The following UBE2D2 variants were observed in gnomAD, a reference collection of about 807,000 sequenced individuals.
UBE2D2 encodes the protein ubiquitin-conjugating enzyme E2 D2.
In UBE2D2, 2 loss-of-function variants were observed where a neutral mutation model predicts 24.2. The observed-to-expected ratio is 0.08, with a 90% CI of 0.03 to 0.26. The LOEUF is 0.26. UBE2D2 is among the 10% of genes least tolerant of loss of function. The pLI, the probability that UBE2D2 is intolerant of heterozygous loss-of-function variation, is 1.00. For synonymous variants in UBE2D2, 58 were observed against 56.5 expected (o/e 1.03, Z -0.12); for missense variants, 44 against 177.6 (o/e 0.25, Z 4.28).
chr5:139,554,386 A>C (rs1006254673), intron 1 of UBE2D2, among the ~76,000 whole-genome samples: 1 of 152,182 alleles, frequency 6.6e-6, no homozygotes, highest in Non-Finnish European at 1.5e-5. Context: ...CTGACTTCAC[A>C]CAACAAAAAT....
At chr5:139,602,281 A>C (rs551598881) in intron 2 of UBE2D2, among the ~76,000 whole-genome samples, 1 of 152,260 alleles carries the variant, frequency 6.6e-6, no homozygotes, top group East Asian at 1.9e-4. Flanking sequence ...TGAATTCCTG[A>C]CCTTAGGTGA....
intron 1 of UBE2D2, among the ~76,000 whole-genome samples, chr5:139,595,010 T>G (rs1402662695): frequency 6.6e-6 from 1 of 152,226 alleles, no homozygotes; most frequent in African/African-American, 2.4e-5. Context: ...CTGTGGTGTT[T>G]AGGGAATAAT....
At chr5:139,573,184 C>T (rs1380547500) in intron 1 of UBE2D2, among the ~76,000 whole-genome samples, 2 of 151,754 alleles carry the variant, frequency 1.3e-5, no homozygotes, top group African/African-American at 4.8e-5. Flanking sequence ...CACCTGTAGT[C>T]CCAGCTACTC....
At chr5:139,621,995 G>A (rs573601660) in intron 5 of UBE2D2, among the ~76,000 whole-genome samples, 7 of 151,992 alleles carry the variant, frequency 4.6e-5, no homozygotes, top group Non-Finnish European at 4.4e-5. Flanking sequence ...AAATGTTCTT[G>A]GTCTAGAATT....
intron 1 of UBE2D2, among the ~76,000 whole-genome samples, chr5:139,583,588 C>T (rs1340339443): frequency 6.6e-6 from 1 of 151,958 alleles, no homozygotes; most frequent in African/African-American, 2.4e-5. Flanking sequence ...AAGGTGAAAC[C>T]CTGTCTCTAT....
intron 1 of UBE2D2, among the ~76,000 whole-genome samples, chr5:139,573,637 C>G (rs1753400434): frequency 6.6e-6 from 1 of 151,934 alleles, no homozygotes; most frequent in Admixed American, 6.6e-5. Flanking sequence ...AATACGACTA[C>G]TTGGGCTTAG....
At chr5:139,614,510 G>A (rs1428250621) in intron 2 of UBE2D2, 76 bp from the exon 3 acceptor site, 2 of 1,505,644 alleles carry the variant, frequency 1.3e-6, no homozygotes, top group Admixed American at 1.7e-5. Context: ...GGATTAGAAG[G>A]GGAATGATAT....
intron 1 of UBE2D2, among the ~76,000 whole-genome samples, chr5:139,582,919 C>T (rs1237068803): frequency 6.6e-6 from 1 of 150,800 alleles, no homozygotes; most frequent in African/African-American, 2.4e-5. Context: ...ATCTGCCCGC[C>T]TCGGCCTCCC....
intron 1 of UBE2D2, chr5:139,562,359 G>A: frequency 1.5e-6 from 2 of 1,337,848 alleles, no homozygotes; most frequent in Non-Finnish European, 2.0e-6. Context: ...GGTCCACCCT[G>A]CTTGTCCAGA....
chr5:139,621,883 A>G (rs1417941875), intron 5 of UBE2D2, among the ~76,000 whole-genome samples: 2 of 152,192 alleles, frequency 1.3e-5, no homozygotes, highest in African/African-American at 4.8e-5. Flanking sequence ...GTGGCCTCCC[A>G]AAGTGCTGTG....
Position 139,561,826 on chromosome 5 carries a change from G to A in UBE2D2, c.24+11G>A, listed in dbSNP as rs757442669. 1.3e-6 allele frequency: 2 copies of A among 1,486,932 alleles called. No individual in the cohort carries two copies. The highest frequency in any genetic ancestry group is 1.8e-6 in the Non-Finnish European group (2 of 1,122,766). 92.1% of individuals were successfully genotyped at this position (1,486,932 alleles called of 1,614,324 possible). A position where few individuals can be genotyped will look rare whatever the true frequency, so the allele number is the denominator to read the frequency against. ...AAGAGAATCCACAAGGTAAGCGGCC[G>A]GAGGTCGGCTGCGCTGCTGGCCAGC... On this transcript the variant is annotated intron_variant, in intron 1 of 6. Coordinates refer to ENST00000398733, the MANE Select transcript of UBE2D2 (RefSeq NM_003339.3).
chr5:139,608,782 A>C (rs1431340039), intron 2 of UBE2D2, among the ~76,000 whole-genome samples: 2 of 152,130 alleles, frequency 1.3e-5, no homozygotes, highest in Admixed American at 1.3e-4. Context: ...GGAAATATTT[A>C]GCTAAAAATT....
intron 5 of UBE2D2, among the ~76,000 whole-genome samples, chr5:139,619,185 C>A (rs372942808): frequency 1.8e-4 from 27 of 152,148 alleles, no homozygotes; most frequent in African/African-American, 5.5e-4. Context: ...CACTTGAGGT[C>A]AGGAGTTTAA....
At chr5:139,613,348 C>T (rs532836851) in intron 2 of UBE2D2, among the ~76,000 whole-genome samples, 1 of 152,322 alleles carries the variant, frequency 6.6e-6, no homozygotes, top group East Asian at 1.9e-4. Flanking sequence ...CCAGTGACAA[C>T]TTCCCTTAGG....
chr5:139,549,824 G>C (rs1007196915), intron 1 of UBE2D2, among the ~76,000 whole-genome samples: 1 of 152,356 alleles, frequency 6.6e-6, no homozygotes, highest in East Asian at 1.9e-4. Flanking sequence ...GTGGGGACTT[G>C]GAGAACTTTT....
At chr5:139,619,386 A>C (rs1754470648) in intron 5 of UBE2D2, among the ~76,000 whole-genome samples, 1 of 143,828 alleles carries the variant, frequency 7.0e-6, no homozygotes, top group Non-Finnish European at 1.5e-5. Context: ...ACAGAGCAAG[A>C]GTCTGTCTCA....
At chr5:139,587,387 T>A (rs1753752257) in intron 1 of UBE2D2, among the ~76,000 whole-genome samples, 1 of 151,938 alleles carries the variant, frequency 6.6e-6, no homozygotes, top group Non-Finnish European at 1.5e-5. Context: ...GCTCAAGCCA[T>A]AACAAACATG....
intron 1 of UBE2D2, among the ~76,000 whole-genome samples, chr5:139,595,309 T>C (rs560543645): frequency 7.2e-5 from 11 of 152,286 alleles, no homozygotes; most frequent in African/African-American, 2.4e-4. Context: ...TGTAGAGATA[T>C]CAGTTTTATA....
upstream of UBE2D2, among the ~76,000 whole-genome samples, chr5:139,556,445 A>G (rs1752981847): frequency 6.6e-6 from 1 of 152,088 alleles, no homozygotes; most frequent in Non-Finnish European, 1.5e-5. Context: ...AAAAAAAAGG[A>G]AGCTAGAAAA....
Sources: allele counts gnomAD v4.1 joint callset (sites outside exome capture counted in the v4.1 genomes callset), GRCh38; gene constraint gnomAD v4.1.1; transcripts MANE v1.5; gene names NCBI Gene and HGNC (gene_info 2026-07-23, HGNC 2026-07-21).